Variants in PPP1R1C observed in about 807,000 individuals in gnomAD.
PPP1R1C encodes protein phosphatase 1 regulatory inhibitor subunit 1C.
Under a neutral mutation model 17.4 loss-of-function variants are expected in PPP1R1C, and 15 were observed. That is an observed-to-expected ratio of 0.86 (90% CI 0.58 to 1.33). The LOEUF is 1.33. PPP1R1C is among the 40% of genes most tolerant of loss of function. The probability of loss-of-function intolerance (pLI) is 0.00; values close to 1 mark genes in which losing one functional copy is unlikely to be tolerated. For missense variants in PPP1R1C, 143 were observed against 130.0 expected, an observed-to-expected ratio of 1.10 and a Z score of -0.48; for synonymous variants, 35 against 43.1, an observed-to-expected ratio of 0.81 and a Z score of 0.73.
In PPP1R1C at chr2:181,961,884, C is replaced by T. The variant is rs1015932248; in HGVS notation, n.111+7250C>T. On this transcript the variant is annotated intron_variant and non_coding_transcript_variant, in intron 1 of 5. Coordinates refer to the PPP1R1C transcript ENST00000464264. The surrounding 1 kb of genome is among the most constrained non-coding windows in gnomAD (Gnocchi z 5.8). ...CCTTGAGAGCCTCCATCTCTGTCTC[C>T]AGTGGCAGCCAAGTGACATTGGTCA... 2.5e-6 allele frequency: 2 copies of T among 791,036 alleles called. No homozygotes were observed. Among genetic ancestry groups the T allele is most frequent in the Non-Finnish European group, 4.5e-6 (2 of 446,710 alleles). The allele number at this position is 791,036 out of a possible 1,614,324, so 49.0% of individuals were successfully genotyped here. A position where few individuals can be genotyped will look rare whatever the true frequency, so the allele number is the denominator to read the frequency against.
At chr2:182,043,776 C>T (rs1687257487) in intron 2 of PPP1R1C, among the ~76,000 whole-genome samples, 2 of 152,112 alleles carry the variant, frequency 1.3e-5, no homozygotes, top group Admixed American at 1.3e-4. Flanking sequence ...GCTACCTTGG[C>T]CCTCTGCTTC....
intron 2 of PPP1R1C, among the ~76,000 whole-genome samples, chr2:182,033,187 C>T (rs1227916112): frequency 6.6e-6 from 1 of 152,160 alleles, no homozygotes; most frequent in Non-Finnish European, 1.5e-5. Flanking sequence ...GTCCTCCTTT[C>T]CTTGCCACAT....
intron 1 of PPP1R1C, among the ~76,000 whole-genome samples, chr2:181,966,607 C>T (rs1574342302): frequency 6.6e-6 from 1 of 152,070 alleles, no homozygotes; most frequent in African/African-American, 2.4e-5. Flanking sequence ...TGATGTATCA[C>T]ATTCATTGAT....
At chr2:181,958,192 C>G (rs1684702396) in intron 1 of PPP1R1C, among the ~76,000 whole-genome samples, 1 of 152,150 alleles carries the variant, frequency 6.6e-6, no homozygotes, top group Non-Finnish European at 1.5e-5. Flanking sequence ...AGTAGCTAAG[C>G]AAGGACTAAT....
At chr2:182,127,193 G>A (rs531351256) in intron 5 of PPP1R1C, among the ~76,000 whole-genome samples, 1 of 152,040 alleles carries the variant, frequency 6.6e-6, no homozygotes, top group Admixed American at 6.6e-5. Flanking sequence ...AACTTGTAAG[G>A]TTTGTGGAGC....
At chr2:182,066,927 TTCTATCCCAA>T (rs1255002358) in intron 4 of PPP1R1C, among the ~76,000 whole-genome samples, 1 of 150,256 alleles carries the variant, frequency 6.7e-6, no homozygotes, top group Non-Finnish European at 1.5e-5. Context: ...GCTGACTCAT[TTCTATCCCAA>T]TTTTGTGTGT....
At chr2:182,113,472 G>A (rs567973257) in intron 4 of PPP1R1C, among the ~76,000 whole-genome samples, 2 of 152,158 alleles carry the variant, frequency 1.3e-5, no homozygotes, top group South Asian at 4.2e-4. Context: ...ATGCAGATGA[G>A]AACTAGGCAG....
intron 2 of PPP1R1C, among the ~76,000 whole-genome samples, chr2:182,044,221 A>G (rs1426700094): frequency 6.6e-6 from 1 of 152,154 alleles, no homozygotes; most frequent in Non-Finnish European, 1.5e-5. Flanking sequence ...CTTTCTACGA[A>G]AGAAATCTGG....
chr2:182,077,176 C>G lies in PPP1R1C; in HGVS notation c.241+13385C>G, dbSNP rs570811085. ...GACCTCAAAGAACCTCAAAGAATGGCAAAATAGGTTTCAAGTTTCAGATAT... is the reference window on the plus strand; with the variant it reads ...GACCTCAAAGAACCTCAAAGAATGGGAAAATAGGTTTCAAGTTTCAGATAT... On this transcript the variant is annotated intron_variant, in intron 4 of 4. Transcript: ENST00000682840. 5.9e-5 allele frequency among the ~76,000 whole-genome samples: 9 copies of G among 151,976 alleles called. No individual in the cohort carries two copies. The East Asian group carries it at 1.7e-3, about 29-fold the overall frequency.
chr2:182,046,221 T>C (rs1009112238), intron 2 of PPP1R1C, among the ~76,000 whole-genome samples: 7 of 152,032 alleles, frequency 4.6e-5, no homozygotes, highest in African/African-American at 1.7e-4. Context: ...GAATACATTA[T>C]TAACTATAGA....
Position 181,985,878 on chromosome 2 carries a change from G to A in PPP1R1C, c.-233G>A, listed in dbSNP as rs1315680402. ...ATTGTTCCTTTCTGTATTGTGCTGA[G>A]AGGATCCAAGGGATTGGTGGGGGAA... is the stretch of plus-strand genomic sequence containing the variant. On this transcript the variant is annotated 5_prime_UTR_variant, in exon 1 of 5. Coordinates refer to ENST00000682840, the MANE Select transcript of PPP1R1C (RefSeq NM_001080545.3). This position sits in a 1 kb window ranked among gnomAD's most constrained non-coding sequence, Gnocchi z 4.1. 3.4e-6 allele frequency: 2 copies of A among 587,672 alleles called. No homozygotes were observed. Among genetic ancestry groups the A allele is most frequent in the Admixed American group, 6.1e-5 (2 of 32,838 alleles). The allele number at this position is 587,672 out of a possible 1,614,324, so 36.4% of individuals were successfully genotyped here. A position where few individuals can be genotyped will look rare whatever the true frequency, so the allele number is the denominator to read the frequency against.
intron 1 of PPP1R1C, among the ~76,000 whole-genome samples, chr2:181,971,168 G>T (rs1684999384): frequency 6.6e-6 from 1 of 152,106 alleles, no homozygotes; most frequent in African/African-American, 2.4e-5. Flanking sequence ...ATGACAGCTG[G>T]GAATGTGCTA....
chr2:182,073,065 T>C (rs1284216319), intron 4 of PPP1R1C, among the ~76,000 whole-genome samples: 1 of 151,484 alleles, frequency 6.6e-6, no homozygotes, highest in Non-Finnish European at 1.5e-5. Context: ...CATTCAGTTC[T>C]TTGAAAATAA....
At chr2:182,075,362 G>A (rs573995652) in intron 4 of PPP1R1C, among the ~76,000 whole-genome samples, 2 of 152,156 alleles carry the variant, frequency 1.3e-5, no homozygotes, top group Non-Finnish European at 2.9e-5. Flanking sequence ...TTGTTATAGA[G>A]CCTCTGAGAG....
At chr2:182,111,866 T>C (rs1162569707) in intron 4 of PPP1R1C, among the ~76,000 whole-genome samples, 1 of 152,010 alleles carries the variant, frequency 6.6e-6, no homozygotes, top group Non-Finnish European at 1.5e-5. Flanking sequence ...AATCACTCCT[T>C]TGTATATAGG....
chr2:182,054,326 T>C (rs1687618248), intron 2 of PPP1R1C, among the ~76,000 whole-genome samples: 1 of 152,210 alleles, frequency 6.6e-6, no homozygotes, highest in Non-Finnish European at 1.5e-5. Context: ...TGTGTGCTTA[T>C]AGTTTTATGG....
At chr2:182,118,915 A>T (rs114308204), downstream of PPP1R1C, among the ~76,000 whole-genome samples, 2,746 of 145,328 alleles carry the variant, frequency 0.019, 98 homozygotes, top group African/African-American at 0.065. Flanking sequence ...TTTTTTTTTT[A>T]AATTATACTT....
chr2:182,006,041 CT>C (rs5836808), intron 2 of PPP1R1C, among the ~76,000 whole-genome samples: 49,093 of 151,938 alleles, frequency 0.32, 9,571 homozygotes, highest in Non-Finnish European at 0.42. Flanking sequence ...AAAGAATATT[CT>C]TTTTTTCTTT....
At chr2:181,995,515 C>T (rs1474079917) in intron 2 of PPP1R1C, among the ~76,000 whole-genome samples, 1 of 152,146 alleles carries the variant, frequency 6.6e-6, no homozygotes, top group African/African-American at 2.4e-5. Context: ...AGTCTGAGTC[C>T]ATTGAATAAA....
Sources: gnomAD v4.1 joint callset for allele counts (sites outside exome capture counted in the v4.1 genomes callset) on GRCh38, gnomAD v4.1.1 for gene constraint, Gnocchi (gnomAD v3.1) non-coding constraint, MANE v1.5 for transcripts, NCBI Gene and HGNC (gene_info 2026-07-23, HGNC 2026-07-21) for gene names.